AGBL1: variants seen among roughly 807,000 people sequenced by gnomAD.
AGBL1 encodes cytosolic carboxypeptidase 4.
Under a neutral mutation model 118.9 loss-of-function variants are expected in AGBL1, and 130 were observed. The observed-to-expected ratio is 1.09, with a 90% confidence interval of 0.95 to 1.26. The LOEUF (loss-of-function observed/expected upper bound fraction) is 1.26. AGBL1 is among the 50% of genes most tolerant of loss of function. AGBL1 has a pLI of 0.00. For synonymous variants in AGBL1, 555 were observed against 478.9 expected (o/e 1.16, Z -2.08); for missense variants, 1,584 against 1,298.1 (o/e 1.22, Z -3.38).
intron 1 of AGBL1, 126 bp downstream of exon 1, chr15:86,080,149 C>A: frequency 3.1e-6 from 2 of 638,324 alleles, no homozygotes; most frequent in Non-Finnish European, 2.2e-6. Flanking sequence ...AGCAAGAGAA[C>A]AGGAGTCGGC....
At chr15:86,428,066 T>C (rs1240668402) in intron 18 of AGBL1, among the ~76,000 whole-genome samples, 2 of 152,210 alleles carry the variant, frequency 1.3e-5, no homozygotes, top group African/African-American at 2.4e-5. Flanking sequence ...GTTTAGCCCA[T>C]GGATGGCTTG....
chr15:86,593,677 T>C (rs1046585350), intron 21 of AGBL1, among the ~76,000 whole-genome samples: 1 of 152,192 alleles, frequency 6.6e-6, no homozygotes, highest in Non-Finnish European at 1.5e-5. Context: ...TGTCAAAGTA[T>C]ATACCACTGA....
chr15:86,161,559 A>C (rs2077267389), intron 5 of AGBL1, among the ~76,000 whole-genome samples: 1 of 152,226 alleles, frequency 6.6e-6, no homozygotes. Context: ...TATTTCTACA[A>C]CCATCATATG....
At chr15:86,748,610 C>G (rs1402962838) in intron 22 of AGBL1, among the ~76,000 whole-genome samples, 1 of 130,132 alleles carries the variant, frequency 7.7e-6, no homozygotes, top group Non-Finnish European at 1.6e-5. Context: ...AATGGTAATG[C>G]CTAGGTTTTC....
intron 1 of AGBL1, among the ~76,000 whole-genome samples, chr15:86,114,488 A>G (rs1897634888): frequency 6.6e-6 from 1 of 152,152 alleles, no homozygotes; most frequent in Non-Finnish European, 1.5e-5. Context: ...AACAATAGGA[A>G]CTTAGCTCCT....
intron 22 of AGBL1, among the ~76,000 whole-genome samples, chr15:86,793,105 A>G (rs2078519300): frequency 6.6e-6 from 1 of 152,210 alleles, no homozygotes; most frequent in Non-Finnish European, 1.5e-5. Context: ...CTTTTTAAAA[A>G]TGGTAACAAA....
At chr15:86,902,693 A>C (rs2080227317) in intron 22 of AGBL1, among the ~76,000 whole-genome samples, 1 of 152,122 alleles carries the variant, frequency 6.6e-6, no homozygotes, top group East Asian at 1.9e-4. Flanking sequence ...TTAGGTTGTC[A>C]GTTCTTTGCT....
At chr15:86,589,066 C>A (rs1444526159) in intron 21 of AGBL1, among the ~76,000 whole-genome samples, 7 of 151,708 alleles carry the variant, frequency 4.6e-5, no homozygotes, top group African/African-American at 1.2e-4. Context: ...AGAAGGACAA[C>A]AATTTTTTTT....
rs146106590 is a variant in AGBL1 at position 86,335,614 on chromosome 15, A to G, written c.2374+40206A>G. Among the ~76,000 whole-genome samples, 893 of 152,350 alleles carry G rather than the reference A, an allele frequency of 5.9e-3. 6 individuals are homozygous for G. The highest frequency in any genetic ancestry group is 8.3e-3 in the Non-Finnish European group (567 of 68,030). On this transcript the variant is annotated intron_variant, in intron 17 of 22. Coordinates refer to ENST00000614907, the MANE Select transcript of AGBL1 (RefSeq NM_001386094.1). The stretch of plus-strand genomic sequence containing the variant: ...AAAGTGAAGTTGCAGAACACCAAAT[A>G]TTGAGGGAAATTCTTGGAAGAAACC...
At chr15:86,456,986 T>C (rs973658230) in intron 18 of AGBL1, among the ~76,000 whole-genome samples, 1 of 152,176 alleles carries the variant, frequency 6.6e-6, no homozygotes, top group African/African-American at 2.4e-5. Context: ...TCAAAAATTA[T>C]ATATGTAGAG....
chr15:86,310,923 C>T (rs1448094815), intron 17 of AGBL1, among the ~76,000 whole-genome samples: 1 of 152,186 alleles, frequency 6.6e-6, no homozygotes, highest in Non-Finnish European at 1.5e-5. Flanking sequence ...TGTTCCTGCT[C>T]TCCCGTTCTG....
chr15:86,700,718 G>GTGCC (rs1481007657), intron 22 of AGBL1, among the ~76,000 whole-genome samples: 1 of 152,050 alleles, frequency 6.6e-6, no homozygotes, highest in Non-Finnish European at 1.5e-5. Flanking sequence ...GTTTTATTCT[G>GTGCC]TGCCTCAAGT....
intron 3 of AGBL1, among the ~76,000 whole-genome samples, chr15:86,147,119 A>T (rs1011139078): frequency 3.3e-5 from 5 of 152,178 alleles, no homozygotes; most frequent in African/African-American, 9.7e-5. Context: ...GTAATGTAGA[A>T]ATATTAGAGG....
chr15:86,664,639 G>C (rs2085610438), intron 21 of AGBL1, among the ~76,000 whole-genome samples: 1 of 152,044 alleles, frequency 6.6e-6, no homozygotes, highest in South Asian at 2.1e-4. Flanking sequence ...CAAGCCTAGT[G>C]ACCCTAAAAA....
intron 8 of AGBL1, among the ~76,000 whole-genome samples, chr15:86,257,310 A>G (rs2078912363): frequency 1.3e-5 from 2 of 152,196 alleles, no homozygotes; most frequent in African/African-American, 4.8e-5. Context: ...AAAAAAGTCT[A>G]TTTAGAATCC....
At chr15:87,005,007 G>A (rs570236005) in intron 24 of AGBL1, among the ~76,000 whole-genome samples, 12 of 152,140 alleles carry the variant, frequency 7.9e-5, no homozygotes, top group Non-Finnish European at 1.0e-4. Context: ...TAAGAATGTT[G>A]AATATTGGCC....
chr15:86,859,865 T>C (rs1330842385), intron 22 of AGBL1, among the ~76,000 whole-genome samples: 3 of 152,182 alleles, frequency 2.0e-5, no homozygotes, highest in East Asian at 3.9e-4. Flanking sequence ...ATCTCTAGAG[T>C]TTATCAGCTG....
chr15:86,262,078 C>CTTTT (rs61365024), intron 9 of AGBL1, among the ~76,000 whole-genome samples: 4,560 of 52,744 alleles, frequency 0.086, 1,088 homozygotes, highest in African/African-American at 0.15. Flanking sequence ...GCATAGCTGG[C>CTTTT]TTTTTTTTTT....
intron 21 of AGBL1, among the ~76,000 whole-genome samples, chr15:86,656,347 T>C (rs1012475143): frequency 6.6e-6 from 1 of 152,174 alleles, no homozygotes; most frequent in Non-Finnish European, 1.5e-5. Context: ...GCTGACAAAA[T>C]TAGTGGTGCT....
Sources: allele counts gnomAD v4.1 joint callset (sites outside exome capture counted in the v4.1 genomes callset), GRCh38; gene constraint gnomAD v4.1.1; transcripts MANE v1.5; gene names NCBI Gene and HGNC (gene_info 2026-07-23, HGNC 2026-07-21).